Variants in BEST3 observed in about 807,000 individuals in gnomAD.
BEST3 encodes bestrophin-3.
BEST3 carries 50 observed loss-of-function variants against 47.1 expected under a neutral mutation model. The ratio of observed to expected loss-of-function variants is 1.06; its 90% CI spans 0.85 to 1.34. The LOEUF (loss-of-function observed/expected upper bound fraction) is 1.34. BEST3 is among the 40% of genes most tolerant of loss of function. BEST3 has a pLI of 0.00. For missense variants in BEST3, 765 were observed against 817.0 expected (o/e 0.94, Z 0.78); for synonymous variants, 282 against 298.8 (o/e 0.94, Z 0.58).
chr12:69,649,056 A>G (rs1231844896), downstream of BEST3, among the ~76,000 whole-genome samples: 1 of 152,214 alleles, frequency 6.6e-6, no homozygotes, highest in Non-Finnish European at 1.5e-5. Context: ...GTGCAGTAGC[A>G]TGATCTCAGT....
chr12:69,699,088 A>T, intron 1 of BEST3, 117 bp downstream of exon 1: 1 of 550,300 alleles, frequency 1.8e-6, no homozygotes. Context: ...GTCCTTAATT[A>T]ACTTTCCTTT....
At chr12:69,645,089 T>A (rs776178) in intron 9 of BEST3, among the ~76,000 whole-genome samples, 85,384 of 152,034 alleles carry the variant, frequency 0.56, 25,345 homozygotes, top group African/African-American at 0.75. Context: ...GATATTTGGT[T>A]TTTATTTTTT....
At chr12:69,662,626 A>G (rs1883938948) in intron 9 of BEST3, among the ~76,000 whole-genome samples, 1 of 152,226 alleles carries the variant, frequency 6.6e-6, no homozygotes, top group Non-Finnish European at 1.5e-5. Context: ...ATTTCTGACA[A>G]AGTTTCATAG....
chr12:69,655,251 T>A lies in BEST3; in HGVS notation c.1663A>T (p.Lys555Ter). The A allele has an allele frequency of 6.2e-7, 1 of 1,614,134 alleles. No individual in the cohort carries two copies. Among genetic ancestry groups the A allele is most frequent in the South Asian group, 1.1e-5 (1 of 91,080 alleles). ...PMGSILSPSE[K>*]ETPPGGPSPQ... ...CTGGGGCCTCCAGGAGGTGTCTCCTTCTCTGAGGGAGACAGGATGGATCCC... is the reference window on the plus strand; with the variant it reads ...CTGGGGCCTCCAGGAGGTGTCTCCTACTCTGAGGGAGACAGGATGGATCCC... Residue 555 changes from lysine to a stop codon, truncating the protein, a stop_gained, in exon 10 of 10, where the codon AAG becomes TAG. Coordinates refer to ENST00000330891, the MANE Select transcript of BEST3 (RefSeq NM_032735.3). LOFTEE classifies it low-confidence loss of function (END_TRUNC).
chr12:69,687,808 G>C (rs992451630), intron 4 of BEST3, among the ~76,000 whole-genome samples: 2 of 152,174 alleles, frequency 1.3e-5, no homozygotes, highest in Non-Finnish European at 2.9e-5. Flanking sequence ...TTGCAATGCA[G>C]AGATGTAAAG....
Position 69,654,228 on chromosome 12 carries a change from T to G in BEST3, c.*679A>C, listed in dbSNP as rs1184227276. On this transcript the variant is annotated 3_prime_UTR_variant, in exon 10 of 10. Coordinates refer to ENST00000330891, the MANE Select transcript of BEST3 (RefSeq NM_032735.3). Reference sequence around the variant, plus strand: ...TTATAACCTGAAAAATGGGACAGATTACTAGAAAAGCAGCACAACCAGGGA... The same window carrying G: ...TTATAACCTGAAAAATGGGACAGATGACTAGAAAAGCAGCACAACCAGGGA... 1.0e-6 allele frequency: 1 copy of G among 984,680 alleles called. No individual in the cohort carries two copies. Among genetic ancestry groups the G allele is most frequent in the Non-Finnish European group, 1.2e-6 (1 of 829,674 alleles). 61.0% of individuals were successfully genotyped at this position (984,680 alleles called of 1,614,324 possible). A position where few individuals can be genotyped will look rare whatever the true frequency, so the allele number is the denominator to read the frequency against.
chr12:69,685,835 A>C (rs574955487), intron 4 of BEST3, among the ~76,000 whole-genome samples: 1 of 152,176 alleles, frequency 6.6e-6, no homozygotes, highest in Non-Finnish European at 1.5e-5. Context: ...GATAGCCTTT[A>C]TTTAACTCCT....
At chr12:69,663,196 C>T (rs548440547) in intron 9 of BEST3, among the ~76,000 whole-genome samples, 3 of 152,290 alleles carry the variant, frequency 2.0e-5, no homozygotes, top group Non-Finnish European at 4.4e-5. Flanking sequence ...TTTGAAGTGA[C>T]TTATGATGAT....
At position 69,654,897 on chromosome 12, in the gene BEST3, T is replaced by C. The variant is rs1883358026; in HGVS notation, c.*10A>G. 6.2e-7 allele frequency: 1 copy of C among 1,602,526 alleles called. No homozygotes were observed. The stretch of plus-strand genomic sequence containing the variant: ...CTAGGCTAGAACCAGGTCCTAGAAC[T>C]TGGTGGCACTCATTTGGGTGATTCC... On this transcript the variant is annotated 3_prime_UTR_variant, in exon 10 of 10. Transcript: ENST00000330891.
chr12:69,673,516 C>A (rs1419484174), intron 7 of BEST3, among the ~76,000 whole-genome samples: 1 of 152,188 alleles, frequency 6.6e-6, no homozygotes, highest in East Asian at 1.9e-4. Flanking sequence ...CGGCTCACTG[C>A]AAACTCTGCC....
At chr12:69,698,282 C>G (rs1886208516) in intron 1 of BEST3, among the ~76,000 whole-genome samples, 1 of 152,078 alleles carries the variant, frequency 6.6e-6, no homozygotes, top group South Asian at 2.1e-4. Context: ...GTGCAGTTTC[C>G]CCATGACAAG....
intron 7 of BEST3, among the ~76,000 whole-genome samples, chr12:69,674,892 C>CTTT (rs35297025): frequency 1.6e-4 from 17 of 109,400 alleles, no homozygotes; most frequent in East Asian, 8.5e-4. Context: ...TTAGGTTTGC[C>CTTT]TTTTTTTTTT....
At position 69,655,407 on chromosome 12, in the gene BEST3, C is replaced by T. The variant is rs867314908; in HGVS notation, c.1507G>A (p.Val503Ile). Reference sequence around the variant, plus strand: ...GGTGCTTCGGCTGCTGTGATCAATACCTCAGGTACCAGTGGCATTTTGATG... The same window carrying T: ...GGTGCTTCGGCTGCTGTGATCAATATCTCAGGTACCAGTGGCATTTTGATG... ...SPIKMPLVPE[V>I]LITAAEAPVP... Residue 503 changes from valine to isoleucine, a missense_variant, in exon 10 of 10, where the codon GTA (valine) becomes ATA (isoleucine). By Grantham distance (29) the Val-to-Ile change is conservative. Transcript: ENST00000330891. 6 of 1,614,138 alleles carry T rather than the reference C, an allele frequency of 3.7e-6. No individual in the cohort carries two copies. Among genetic ancestry groups the T allele is most frequent in the African/African-American group, 1.3e-5 (1 of 75,020 alleles).
In BEST3 at chr12:69,678,794, T is replaced by C; in HGVS notation, c.581A>G (p.Lys194Arg). The change falls in exon 5 of 10, where the codon AAA (lysine) becomes AGA (arginine). Residue 194 changes from lysine (K) to arginine (R), a missense_variant. Lys to Arg is a conservative substitution (Grantham distance 26). Coordinates refer to ENST00000330891, the MANE Select transcript of BEST3 (RefSeq NM_032735.3). ...TCTGATTCTACCTTCATTCCGGGCT[T>C]TAGTTGCAAGATTTCCAAACCAGAT... ...PFIWFGNLAT[K>R]ARNEGRIRDS... is the part of the protein sequence containing the mutation. 1 of 1,614,120 alleles carries C rather than the reference T, an allele frequency of 6.2e-7. No homozygotes were observed. Among genetic ancestry groups the C allele is most frequent in the South Asian group, 1.1e-5 (1 of 91,078 alleles).
intron 4 of BEST3, among the ~76,000 whole-genome samples, chr12:69,687,663 CA>C (rs3050215): frequency 0.2 from 25,657 of 126,370 alleles, 2,633 homozygotes; most frequent in African/African-American, 0.35. Flanking sequence ...GAACGTGTCT[CA>C]AAAAAAAAAA....
At chr12:69,658,550 A>C (rs1883657771) in intron 9 of BEST3, among the ~76,000 whole-genome samples, 1 of 152,322 alleles carries the variant, frequency 6.6e-6, no homozygotes, top group South Asian at 2.1e-4. Context: ...CACCCGACTA[A>C]ATTTATTGAG....
intron 4 of BEST3, among the ~76,000 whole-genome samples, chr12:69,687,696 A>G (rs1269249691): frequency 1.3e-5 from 2 of 150,468 alleles, no homozygotes; most frequent in Non-Finnish European, 3.0e-5. Context: ...CAAGGCTTTA[A>G]GAAAATTAAA....
chr12:69,660,786 T>G (rs755701887), intron 9 of BEST3: 1 of 152,124 alleles, frequency 6.6e-6, no homozygotes, highest in African/African-American at 2.4e-5. Flanking sequence ...GGCTGGTTAG[T>G]TATAGTTGAG....
At chr12:69,660,459 G>A (rs1883804604) in intron 9 of BEST3, 1 of 152,188 alleles carries the variant, frequency 6.6e-6, no homozygotes, top group South Asian at 2.1e-4. Context: ...TTTAATGATA[G>A]GGCACTGGGT....
Sources: allele counts gnomAD v4.1 joint callset (sites outside exome capture counted in the v4.1 genomes callset), GRCh38; gene constraint gnomAD v4.1.1; transcripts MANE v1.5; gene names NCBI Gene and HGNC (gene_info 2026-07-23, HGNC 2026-07-21).